Variants in AVEN observed in about 807,000 individuals in gnomAD.
AVEN encodes apoptosis and caspase activation inhibitor.
A neutral mutation model predicts 38.1 loss-of-function variants in AVEN; 41 were observed. The ratio of observed to expected loss-of-function variants is 1.08; its 90% CI spans 0.84 to 1.40. The LOEUF is 1.40. Ranked by LOEUF, AVEN falls within the 40% of genes most tolerant of loss-of-function variation. AVEN has a pLI of 0.00. For missense variants in AVEN, 605 were observed against 438.8 expected (o/e 1.38, Z -3.38); for synonymous variants, 206 against 171.8 (o/e 1.20, Z -1.56).
chr15:33,887,480 C>G (rs1891751600), intron 2 of AVEN, among the ~76,000 whole-genome samples: 1 of 152,114 alleles, frequency 6.6e-6, no homozygotes, highest in Non-Finnish European at 1.5e-5. Flanking sequence ...TTGTTTACTA[C>G]CTTTCTAGGG....
chr15:33,954,658 G>A (rs922780796), intron 2 of AVEN, among the ~76,000 whole-genome samples: 2 of 146,838 alleles, frequency 1.4e-5, no homozygotes, highest in African/African-American at 5.0e-5. Flanking sequence ...GTCATGGGGT[G>A]GGGGGAGGGG....
At chr15:33,898,974 A>G (rs1158347018) in intron 2 of AVEN, among the ~76,000 whole-genome samples, 1 of 152,208 alleles carries the variant, frequency 6.6e-6, no homozygotes, top group Non-Finnish European at 1.5e-5. Context: ...GGGAAATATT[A>G]TAGTGTTGTA....
intron 1 of AVEN, among the ~76,000 whole-genome samples, chr15:34,003,918 T>C (rs4779652): frequency 0.15 from 22,693 of 152,270 alleles, 2,136 homozygotes; most frequent in Middle Eastern, 0.27. Context: ...ATGTTATATA[T>C]TGACTCAAAT....
intron 4 of AVEN, chr15:34,064,517 C>T (rs1900460093): frequency 1.2e-5 from 8 of 652,014 alleles, no homozygotes; most frequent in Non-Finnish European, 2.1e-5. Flanking sequence ...ATGACTCTTG[C>T]CTATGACCAA....
intron 2 of AVEN, among the ~76,000 whole-genome samples, chr15:33,940,238 G>GT (rs1205121308): frequency 1.3e-5 from 2 of 152,226 alleles, no homozygotes; most frequent in African/African-American, 2.4e-5. Context: ...AACAAGTAAT[G>GT]TAAGTCTGCA....
intron 5 of AVEN, among the ~76,000 whole-genome samples, chr15:34,052,238 G>GAA (rs369505121): frequency 2.0e-5 from 3 of 151,140 alleles, no homozygotes; most frequent in African/African-American, 7.3e-5. Context: ...CAGAACTAAA[G>GAA]AAAAAAAACC....
At chr15:33,871,386 G>A (rs576992700) in intron 3 of AVEN, among the ~76,000 whole-genome samples, 2 of 152,240 alleles carry the variant, frequency 1.3e-5, no homozygotes, top group Admixed American at 6.5e-5. Context: ...AGCCAACATG[G>A]TGAAACCCTG....
intron 2 of AVEN, among the ~76,000 whole-genome samples, chr15:33,919,708 TACTTCCA>T (rs1893315452): frequency 6.6e-6 from 1 of 152,228 alleles, no homozygotes; most frequent in Non-Finnish European, 1.5e-5. Context: ...TAGGGGATGC[TACTTCCA>T]GATATGTGAC....
chr15:33,862,534 T>G (rs999148956), downstream of AVEN, among the ~76,000 whole-genome samples: 1 of 152,180 alleles, frequency 6.6e-6, no homozygotes, highest in Non-Finnish European at 1.5e-5. Context: ...TAGAGCAGGC[T>G]CAGCCTTTGG....
chr15:33,994,118 C>T (rs1248451121), intron 2 of AVEN, among the ~76,000 whole-genome samples: 2 of 152,194 alleles, frequency 1.3e-5, no homozygotes, highest in African/African-American at 2.4e-5. Context: ...AGGAACCGGG[C>T]TGCATAGCAG....
intron 5 of AVEN, among the ~76,000 whole-genome samples, chr15:34,060,589 A>C (rs150280051): frequency 6.1e-4 from 93 of 152,234 alleles, no homozygotes; most frequent in African/African-American, 2.1e-3. Context: ...CATCAAAAAG[A>C]TTTTCACCGG....
intron 2 of AVEN, among the ~76,000 whole-genome samples, chr15:33,971,257 T>C (rs934989889): frequency 6.6e-6 from 1 of 152,076 alleles, no homozygotes; most frequent in Admixed American, 6.6e-5. Flanking sequence ...TACTTGTTTC[T>C]GCAATTTAGA....
intron 1 of AVEN, among the ~76,000 whole-genome samples, chr15:34,021,235 T>C (rs1315550921): frequency 6.6e-6 from 1 of 152,062 alleles, no homozygotes; most frequent in Non-Finnish European, 1.5e-5. Context: ...GCCTCCCAAG[T>C]AGCTTAGGCT....
At chr15:33,878,231 CT>C (rs552419180) in intron 2 of AVEN, among the ~76,000 whole-genome samples, 7 of 151,676 alleles carry the variant, frequency 4.6e-5, no homozygotes, top group Admixed American at 1.3e-4. Context: ...CGAAGATATG[CT>C]TTTTTTTAAA....
At chr15:34,013,627 A>C (rs1897732922) in intron 1 of AVEN, among the ~76,000 whole-genome samples, 1 of 152,252 alleles carries the variant, frequency 6.6e-6, no homozygotes, top group East Asian at 1.9e-4. Context: ...CCAGGCCTCA[A>C]GAACTCACAG....
At chr15:33,917,778 T>C (rs1893207627) in intron 2 of AVEN, among the ~76,000 whole-genome samples, 1 of 152,038 alleles carries the variant, frequency 6.6e-6, no homozygotes, top group Non-Finnish European at 1.5e-5. Flanking sequence ...AAGTGGGAGC[T>C]AAGTTATGAG....
chr15:33,904,654 C>T (rs1286340590), intron 2 of AVEN, among the ~76,000 whole-genome samples: 1 of 148,338 alleles, frequency 6.7e-6, no homozygotes, highest in Non-Finnish European at 1.5e-5. Flanking sequence ...CTCAGGTAAT[C>T]CACCTGCCTT....
At chr15:33,945,907 A>T (rs548747679) in intron 2 of AVEN, among the ~76,000 whole-genome samples, 83 of 152,298 alleles carry the variant, frequency 5.4e-4, no homozygotes, top group Non-Finnish European at 1.1e-3. Flanking sequence ...TTTTTAAATA[A>T]TTTCAAACTT....
intron 1 of AVEN, among the ~76,000 whole-genome samples, chr15:34,026,296 A>C (rs745618021): frequency 1.3e-5 from 2 of 152,070 alleles, no homozygotes; most frequent in Non-Finnish European, 2.9e-5. Flanking sequence ...GGGCACTTTT[A>C]TTTTCTTCTT....
Sources: allele counts gnomAD v4.1 joint callset (sites outside exome capture counted in the v4.1 genomes callset), GRCh38; gene constraint gnomAD v4.1.1; transcripts MANE v1.5; gene names NCBI Gene and HGNC (gene_info 2026-07-23, HGNC 2026-07-21).